The following THSD7A variants were observed in gnomAD, a reference collection of about 807,000 sequenced individuals.
THSD7A encodes thrombospondin type-1 domain-containing protein 7A.
A neutral mutation model predicts 231.3 loss-of-function variants in THSD7A; 96 were observed. That is an observed-to-expected ratio of 0.41 (90% CI 0.35 to 0.49). The LOEUF (loss-of-function observed/expected upper bound fraction) is 0.49. Among genes scored for constraint, THSD7A ranks in the 20% least tolerant of loss-of-function variants. The probability of loss-of-function intolerance (pLI) is 0.05; values close to 1 mark genes in which losing one functional copy is unlikely to be tolerated. For missense variants in THSD7A, 2,290 were observed against 2,070.2 expected (o/e 1.11, Z -2.06); for synonymous variants, 940 against 743.3 (o/e 1.26, Z -4.30).
At chr7:11,764,921 A>C (rs915552131) in intron 1 of THSD7A, among the ~76,000 whole-genome samples, 1 of 152,130 alleles carries the variant, frequency 6.6e-6, no homozygotes, top group Non-Finnish European at 1.5e-5. Context: ...TAATCTGTCA[A>C]ACTCTAATGT....
chr7:11,821,278 A>G (rs1784865454), intron 1 of THSD7A: 2 of 1,007,182 alleles, frequency 2.0e-6, no homozygotes, highest in East Asian at 4.8e-5. Context: ...TATGTGCTGG[A>G]AAATGGAACG....
chr7:11,401,838 C>T lies in THSD7A; in HGVS notation c.4368G>A (p.Gln1456=), dbSNP rs1463008280. 3 of 1,613,680 alleles carry T rather than the reference C, an allele frequency of 1.9e-6. No individual in the cohort carries two copies. Among genetic ancestry groups the T allele is most frequent in the Non-Finnish European group, 2.5e-6 (3 of 1,179,838 alleles). ...RPVIIQELEN[Q]HLCPEQMLET... is the part of the protein sequence containing the mutation. ...CTAACATCTGCTCTGGGCACAGATG[C>T]TGATTCTCTAGTTCTTGTATAATCA... Residue 1456 remains glutamine, a synonymous_variant, in exon 23 of 28, where the codon CAG becomes CAA. Coordinates refer to ENST00000423059, the MANE Select transcript of THSD7A (RefSeq NM_015204.3).
intron 13 of THSD7A, among the ~76,000 whole-genome samples, chr7:11,441,589 A>G (rs1784804686): frequency 6.6e-6 from 1 of 152,036 alleles, no homozygotes; most frequent in African/African-American, 2.4e-5. Context: ...AGTTGTTGCT[A>G]CCCTCTCTTA....
chr7:11,742,321 C>A (rs185688061), intron 1 of THSD7A, among the ~76,000 whole-genome samples: 5 of 151,920 alleles, frequency 3.3e-5, no homozygotes, highest in Admixed American at 1.3e-4. Context: ...AAATTTAATT[C>A]CCCTTTCAAG....
chr7:11,445,919 G>C, intron 13 of THSD7A, 142 bp downstream of exon 13: 1 of 1,000,682 alleles, frequency 1.0e-6, no homozygotes, highest in Non-Finnish European at 1.5e-6. Flanking sequence ...ACATATAAAT[G>C]ATATATGTAT....
intron 8 of THSD7A, among the ~76,000 whole-genome samples, chr7:11,471,864 G>C (rs781202315): frequency 6.2e-4 from 94 of 152,074 alleles, no homozygotes; most frequent in Non-Finnish European, 5.4e-4. Flanking sequence ...GAAATTATTG[G>C]TCAGTAATTA....
intron 1 of THSD7A, among the ~76,000 whole-genome samples, chr7:11,688,785 G>A (rs1426334100): frequency 6.6e-6 from 1 of 151,792 alleles, no homozygotes; most frequent in African/African-American, 2.4e-5. Flanking sequence ...CAAGGAAATT[G>A]TTGGGCTGCA....
intron 1 of THSD7A, among the ~76,000 whole-genome samples, chr7:11,764,962 A>T (rs1200309531): frequency 6.6e-6 from 1 of 152,190 alleles, no homozygotes; most frequent in Non-Finnish European, 1.5e-5. Context: ...CTGTAACAGT[A>T]TAGAAACTCT....
intron 23 of THSD7A, among the ~76,000 whole-genome samples, chr7:11,397,213 A>G (rs1195890315): frequency 6.6e-6 from 1 of 152,208 alleles, no homozygotes; most frequent in East Asian, 1.9e-4. Flanking sequence ...GTAGCAAAAC[A>G]GATATAAAAA....
chr7:11,639,561 G>C (rs913251678), intron 1 of THSD7A, among the ~76,000 whole-genome samples: 2 of 152,006 alleles, frequency 1.3e-5, no homozygotes, highest in African/African-American at 4.8e-5. Flanking sequence ...CTAGCTACTC[G>C]GGAGGCTGAG....
chr7:11,510,328 C>T (rs923469090), intron 6 of THSD7A, among the ~76,000 whole-genome samples: 2 of 152,222 alleles, frequency 1.3e-5, no homozygotes, highest in African/African-American at 2.4e-5. Context: ...GATTCACAGC[C>T]GAATTCTACC....
intron 1 of THSD7A, among the ~76,000 whole-genome samples, chr7:11,762,599 T>G (rs1341559606): frequency 6.6e-6 from 1 of 152,208 alleles, no homozygotes; most frequent in Non-Finnish European, 1.5e-5. Context: ...TTTATTCTTG[T>G]TGATTTGTTT....
At chr7:11,553,378 C>G (rs1369916216) in intron 4 of THSD7A, among the ~76,000 whole-genome samples, 1 of 152,052 alleles carries the variant, frequency 6.6e-6, no homozygotes, top group African/African-American at 2.4e-5. Flanking sequence ...TCCTCAAAAA[C>G]TGTAAGACGA....
chr7:11,535,617 A>G (rs1438519672), intron 6 of THSD7A, among the ~76,000 whole-genome samples: 1 of 151,094 alleles, frequency 6.6e-6, no homozygotes, highest in East Asian at 1.9e-4. Context: ...ATTAGAAGAC[A>G]TAACATTCTA....
intron 14 of THSD7A, among the ~76,000 whole-genome samples, chr7:11,427,759 G>A (rs1314235221): frequency 1.3e-5 from 2 of 151,984 alleles, no homozygotes; most frequent in African/African-American, 4.8e-5. Context: ...TTTCTGTTTT[G>A]CAGTTATATA....
At chr7:11,717,967 T>C (rs142030192) in intron 1 of THSD7A, among the ~76,000 whole-genome samples, 1 of 151,524 alleles carries the variant, frequency 6.6e-6, no homozygotes, top group Non-Finnish European at 1.5e-5. Flanking sequence ...AAATTCAAAA[T>C]TTCATCCCCT....
intron 13 of THSD7A, among the ~76,000 whole-genome samples, chr7:11,442,788 T>C (rs1465805049): frequency 1.3e-5 from 2 of 152,060 alleles, no homozygotes; most frequent in African/African-American, 4.8e-5. Flanking sequence ...GATACCAGAT[T>C]GAGAAAGGAA....
At chr7:11,737,031 C>T (rs1469394418) in intron 1 of THSD7A, among the ~76,000 whole-genome samples, 2 of 152,040 alleles carry the variant, frequency 1.3e-5, no homozygotes, top group East Asian at 3.9e-4. Flanking sequence ...GTTTGCTTTC[C>T]CTTCTGCCAT....
In THSD7A at chr7:11,783,050, A is replaced by T. The variant is rs574140046; in HGVS notation, c.190+48707T>A. ...GAAAACATTGGTAGAAAGGTGGGGG[A>T]ATAAGACACAGAAGGAGAGGCATAC... is the stretch of plus-strand genomic sequence containing the variant. On this transcript the variant is annotated intron_variant, in intron 1 of 27. Transcript: ENST00000423059. Among the ~76,000 whole-genome samples the T allele has an allele frequency of 5.3e-5, 8 of 152,184 alleles. 2 individuals are homozygous for T. The South Asian group carries it at 1.7e-3, about 32-fold the overall frequency.
Sources: allele counts gnomAD v4.1 joint callset (sites outside exome capture counted in the v4.1 genomes callset), GRCh38; gene constraint gnomAD v4.1.1; transcripts MANE v1.5; gene names NCBI Gene and HGNC (gene_info 2026-07-23, HGNC 2026-07-21).